Variants in SMARCE1 observed in about 807,000 individuals in gnomAD.
SMARCE1 encodes SWI/SNF-related matrix-associated actin-dependent regulator of chromatin subfamily E member 1.
A neutral mutation model predicts 54.9 loss-of-function variants in SMARCE1; 13 were observed. That is an observed-to-expected ratio of 0.24 (90% confidence interval 0.15 to 0.38). The LOEUF is 0.38. SMARCE1 is among the 10% of genes least tolerant of loss of function. The pLI is 1.00. For missense variants in SMARCE1, 295 were observed against 523.8 expected (o/e 0.56, Z 4.26); for synonymous variants, 151 against 175.3 (o/e 0.86, Z 1.10).
At chr17:40,637,962 T>A (rs1376858800) in intron 4 of SMARCE1, among the ~76,000 whole-genome samples, 1 of 152,180 alleles carries the variant, frequency 6.6e-6, no homozygotes, top group African/African-American at 2.4e-5. Flanking sequence ...CAGCAGGATC[T>A]GAACCCTTAA....
chr17:40,639,589 C>A (rs1405280427), intron 4 of SMARCE1, among the ~76,000 whole-genome samples: 1 of 152,058 alleles, frequency 6.6e-6, no homozygotes, highest in Admixed American at 6.6e-5. Context: ...GAAAGGTACA[C>A]AAATCATCTG....
At chr17:40,646,074 C>A (rs1335284292) in intron 1 of SMARCE1, among the ~76,000 whole-genome samples, 1 of 152,014 alleles carries the variant, frequency 6.6e-6, no homozygotes, top group African/African-American at 2.4e-5. Flanking sequence ...TAGAAATGTA[C>A]TTTCAGGTTT....
At chr17:40,634,409 A>C (rs140853263) in intron 7 of SMARCE1, 5 of 152,494 alleles carry the variant, frequency 3.3e-5, no homozygotes, top group African/African-American at 1.2e-4. Flanking sequence ...TTGGGATTAC[A>C]GGCGTGAGCC....
chr17:40,637,692 A>C (rs1245673676), intron 4 of SMARCE1, 120 bp from the exon 5 acceptor site: 1 of 708,734 alleles, frequency 1.4e-6, no homozygotes, highest in Admixed American at 2.4e-5. Flanking sequence ...TATTTTCTTC[A>C]CTGAAAATAG....
chr17:40,639,803 T>G (rs142045799), intron 4 of SMARCE1, among the ~76,000 whole-genome samples: 1 of 152,330 alleles, frequency 6.6e-6, no homozygotes, highest in East Asian at 1.9e-4. Flanking sequence ...CTGAACATAC[T>G]TTAGACCCTT....
chr17:40,631,641 T>G lies in SMARCE1; in HGVS notation c.767A>C (p.Lys256Thr), dbSNP rs542193901. Residue 256 changes from lysine to threonine, a missense_variant, in exon 9 of 11, where the codon AAG (lysine) becomes ACG (threonine). Lys to Thr is a moderately conservative substitution (Grantham distance 78). This residue lies in a region of SMARCE1 where 101 missense variants were observed against 183.1 expected (regional missense o/e 0.55). Coordinates refer to ENST00000348513, the MANE Select transcript of SMARCE1 (RefSeq NM_003079.5). ...ATCTGTGCTTTCCAGGAATTTCCTC[T>G]TCTTCTCCTGGTGTCGTTCCTCTAT... is the stretch of plus-strand genomic sequence containing the variant. ...LQIEERHQEK[K>T]RKFLESTDSF... 6.2e-7 allele frequency: 1 copy of G among 1,611,404 alleles called. No homozygotes were observed.
Position 40,632,468 on chromosome 17 carries a change from G to A in SMARCE1, c.542-101C>T. The A allele has an allele frequency of 2.0e-6, 2 of 1,003,276 alleles. 1 individual carries two copies. Among genetic ancestry groups the A allele is most frequent in the South Asian group, 3.1e-5 (2 of 63,688 alleles). The allele number at this position is 1,003,276 out of a possible 1,614,324, so 62.1% of individuals were successfully genotyped here. ...TTACCAACGAACTATGGCCCTCACT[G>A]GCCTAACAAGTGGACCTGCCCAGCG... On this transcript the variant is annotated intron_variant, in intron 7 of 10. Coordinates refer to ENST00000348513, the MANE Select transcript of SMARCE1 (RefSeq NM_003079.5).
rs1280576677 is a variant in SMARCE1, at chr17:40,645,604, G to A, written c.23C>T (p.Ala8Val). 2 of 1,567,410 alleles carry A rather than the reference G, an allele frequency of 1.3e-6. No individual in the cohort carries two copies. Among genetic ancestry groups the A allele is most frequent in the Non-Finnish European group, 1.7e-6 (2 of 1,164,282 alleles). The change falls in exon 3 of 11, where the codon GCC (alanine) becomes GTC (valine). Residue 8 changes from alanine to valine, a missense_variant. By Grantham distance (64) the Ala-to-Val change is moderately conservative. Around this residue, in one of 5 missense-constraint regions of SMARCE1, gnomAD observed 30 missense variants for 91.3 expected, o/e 0.33. Coordinates refer to ENST00000348513, the MANE Select transcript of SMARCE1 (RefSeq NM_003079.5). ...TGCAGGAGCTGGGGTGGGAGGTGGG[G>A]CATAAGATGGTCTTTCTGTTTGAAA... MSKRPSYAPPPTPAPATQ... is the reference protein window; with the variant it reads MSKRPSYVPPPTPAPATQ...
At chr17:40,645,767 G>T in intron 2 of SMARCE1, 29 bp downstream of exon 2, 1 of 1,108,364 alleles carries the variant, frequency 9.0e-7, no homozygotes, top group Non-Finnish European at 1.2e-6. Context: ...TATTAACATA[G>T]ATTGATAAAT....
chr17:40,632,450 C>A, intron 7 of SMARCE1, 83 bp from the exon 8 acceptor site: 1 of 1,205,978 alleles, frequency 8.3e-7, no homozygotes, highest in Non-Finnish European at 1.2e-6. Context: ...TAATTACCAA[C>A]GAACTATGGC....
rs187728519 is a variant in SMARCE1, at chr17:40,629,483, T to C, written c.1028-490A>G. 1,285 of 1,172,328 alleles carry C rather than the reference T, an allele frequency of 1.1e-3. 8 individuals are homozygous for C. The African/African-American group carries it at 0.018, about 17-fold the overall frequency. The allele number at this position is 1,172,328 out of a possible 1,614,324, so 72.6% of individuals were successfully genotyped here. A position where few individuals can be genotyped will look rare whatever the true frequency, so the allele number is the denominator to read the frequency against. On this transcript the variant is annotated intron_variant, in intron 10 of 10. Transcript: ENST00000348513. The stretch of plus-strand genomic sequence containing the variant: ...GAATGAGAGTTAGTCTGTAGTGCTA[T>C]GGATTAAACGAGGAGAAAGCAGTTG...
chr17:40,629,137 G>A, intron 10 of SMARCE1, 144 bp from the exon 11 acceptor site: 1 of 621,510 alleles, frequency 1.6e-6, no homozygotes, highest in Non-Finnish European at 2.8e-6. Context: ...TGTGACTAAA[G>A]AACTTTTAAG....
intron 10 of SMARCE1, chr17:40,629,477 G>A (rs1032092290): frequency 2.2e-5 from 25 of 1,139,906 alleles, no homozygotes; most frequent in East Asian, 6.4e-5. Context: ...TTAGTCTGTA[G>A]TGCTATGGAT....
chr17:40,642,342 T>A lies in SMARCE1; in HGVS notation c.156+113A>T. The A allele has an allele frequency of 1.3e-6, 1 of 758,768 alleles. No homozygotes were observed. The highest frequency in any genetic ancestry group is 2.5e-5 in the East Asian group (1 of 40,172). The allele number at this position is 758,768 out of a possible 1,614,324, so 47.0% of individuals were successfully genotyped here. A position where few individuals can be genotyped will look rare whatever the true frequency, so the allele number is the denominator to read the frequency against. ...TGTTGAAAATACTCAAAAAGCTAGG[T>A]TAAAAAATTTTTTTTAAATGGCTGT... is the stretch of plus-strand genomic sequence containing the variant. On this transcript the variant is annotated intron_variant, in intron 4 of 10. Coordinates refer to ENST00000348513, the MANE Select transcript of SMARCE1 (RefSeq NM_003079.5). The surrounding 1 kb of genome is among the most constrained non-coding windows in gnomAD (Gnocchi z 4.6).
intron 7 of SMARCE1, chr17:40,632,568 A>T (rs2037105864): frequency 7.6e-6 from 4 of 529,388 alleles, no homozygotes; most frequent in South Asian, 2.8e-5. Flanking sequence ...CAAGGTAGTA[A>T]TTTATCTCAC....
intron 7 of SMARCE1, chr17:40,635,537 A>C (rs1292491279): frequency 6.4e-6 from 1 of 155,434 alleles, no homozygotes. Context: ...TCATGTTTCC[A>C]CATACTCATT....
chr17:40,632,185 A>G lies in SMARCE1; in HGVS notation c.714+10T>C. On this transcript the variant is annotated intron_variant, in intron 8 of 10. Transcript: ENST00000348513. The stretch of plus-strand genomic sequence containing the variant: ...CACATCTTATTGAAATGAATGTTTT[A>G]TGACTTTACCTGATGAACCATTAAG... 6.2e-7 allele frequency: 1 copy of G among 1,604,124 alleles called. No individual in the cohort carries two copies. Among genetic ancestry groups the G allele is most frequent in the Non-Finnish European group, 8.5e-7 (1 of 1,174,014 alleles).
intron 2 of SMARCE1, 36 bp downstream of exon 2, chr17:40,645,760 T>A (rs2037249003): frequency 9.1e-7 from 1 of 1,102,078 alleles, no homozygotes; most frequent in Non-Finnish European, 1.3e-6. Flanking sequence ...AGTCTCTTAT[T>A]AACATAGATT....
rs890596121 is a variant in SMARCE1, at chr17:40,625,256, C to A, written c.*3529G>T. On this transcript the variant is annotated 3_prime_UTR_variant, in exon 11 of 11. Coordinates refer to ENST00000348513, the MANE Select transcript of SMARCE1 (RefSeq NM_003079.5). ...GTTTTCTGCTAAACTCAGTATTTTC[C>A]TTTCCATCCTGATCAAAGAAACATT... 4 of 152,208 alleles carry A rather than the reference C, an allele frequency of 2.6e-5. No individual in the cohort carries two copies. The highest frequency in any genetic ancestry group is 5.9e-5 in the Non-Finnish European group (4 of 68,036). The allele number at this position is 152,208 out of a possible 1,614,324, so 9.4% of individuals were successfully genotyped here. A position where few individuals can be genotyped will look rare whatever the true frequency, so the allele number is the denominator to read the frequency against.
Sources: gnomAD v4.1 joint callset for allele counts (sites outside exome capture counted in the v4.1 genomes callset) on GRCh38, gnomAD v4.1.1 for gene constraint, gnomAD v4.1.1 regional missense constraint, Gnocchi (gnomAD v3.1) non-coding constraint, MANE v1.5 for transcripts, NCBI Gene and HGNC (gene_info 2026-07-23, HGNC 2026-07-21) for gene names.